Variants in SEMA3A observed in about 807,000 individuals in gnomAD.
SEMA3A encodes semaphorin 3A, also known as semaphorin-3A.
In SEMA3A, 29 loss-of-function variants were observed where a neutral mutation model predicts 97.9. The ratio of observed to expected loss-of-function variants is 0.30; its 90% CI spans 0.22 to 0.40. SEMA3A has a LOEUF of 0.40. Ranked by LOEUF, SEMA3A falls within the 10% of genes least tolerant of loss-of-function variation. SEMA3A has a pLI of 1.00. For missense variants in SEMA3A, 763 were observed against 951.3 expected, an observed-to-expected ratio of 0.80 and a Z score of 2.60; for synonymous variants, 321 against 323.7, an observed-to-expected ratio of 0.99 and a Z score of 0.09.
chr7:84,305,966 ATATG>A (rs937612713), intron 3 of SEMA3A, among the ~76,000 whole-genome samples: 1 of 151,624 alleles, frequency 6.6e-6, no homozygotes, highest in African/African-American at 2.4e-5. Context: ...ATGTGTGTAT[ATATG>A]TATGTATAAA....
chr7:84,166,047 A>G (rs1797195348), intron 1 of SEMA3A, among the ~76,000 whole-genome samples: 1 of 151,240 alleles, frequency 6.6e-6, no homozygotes. Context: ...TCAAGGCAGG[A>G]GTATCACTTG....
Position 84,021,546 on chromosome 7 carries a change from A to G in SEMA3A, c.668-7195T>C, listed in dbSNP as rs182630550. Among the ~76,000 whole-genome samples, 81 of 152,296 alleles carry G rather than the reference A, an allele frequency of 5.3e-4. 1 individual carries two copies. Among genetic ancestry groups the G allele is most frequent in the African/African-American group, 1.9e-3 (80 of 41,570 alleles). ...CCTTACCATCTCCAAACCACGTTGT[A>G]TGGTCTATTGCCTTTTAACACACAA... On this transcript the variant is annotated intron_variant, in intron 6 of 16. Coordinates refer to ENST00000265362, the MANE Select transcript of SEMA3A (RefSeq NM_006080.3).
chr7:84,152,835 G>A (rs1796720173), intron 1 of SEMA3A, among the ~76,000 whole-genome samples: 1 of 151,864 alleles, frequency 6.6e-6, no homozygotes, highest in Non-Finnish European at 1.5e-5. Context: ...ATTATGTAAA[G>A]CAGGCATTTG....
intron 3 of SEMA3A, among the ~76,000 whole-genome samples, chr7:84,297,168 A>T (rs907372565): frequency 2.6e-5 from 4 of 151,956 alleles, no homozygotes; most frequent in African/African-American, 4.8e-5. Context: ...GTAGAGACGG[A>T]GTTTCACTAT....
chr7:84,044,780 TG>T (rs1275279837), intron 6 of SEMA3A, among the ~76,000 whole-genome samples: 1 of 152,002 alleles, frequency 6.6e-6, no homozygotes, highest in East Asian at 1.9e-4. Flanking sequence ...AGAACAGTTT[TG>T]CATGGGATAA....
At chr7:83,966,936 C>T (rs1340153351) in intron 15 of SEMA3A, among the ~76,000 whole-genome samples, 1 of 152,092 alleles carries the variant, frequency 6.6e-6, no homozygotes, top group African/African-American at 2.4e-5. Flanking sequence ...GTCTTGAACT[C>T]CCGACCTCAG....
At chr7:84,104,750 AC>A (rs1264670075) in intron 4 of SEMA3A, among the ~76,000 whole-genome samples, 1 of 151,108 alleles carries the variant, frequency 6.6e-6, no homozygotes, top group Non-Finnish European at 1.5e-5. Context: ...AGAATTTAGA[AC>A]TTTAACAGTC....
chr7:84,245,772 C>T (rs1350127471), intron 3 of SEMA3A, among the ~76,000 whole-genome samples: 3 of 151,958 alleles, frequency 2.0e-5, no homozygotes, highest in Non-Finnish European at 2.9e-5. Flanking sequence ...GGAGTTCTAC[C>T]ATATGAGGTG....
chr7:84,031,620 G>T (rs1029592963), intron 6 of SEMA3A, among the ~76,000 whole-genome samples: 4 of 152,014 alleles, frequency 2.6e-5, no homozygotes. Context: ...GATCACCTGA[G>T]GTTGGGAGTT....
intron 12 of SEMA3A, among the ~76,000 whole-genome samples, chr7:83,992,527 G>T (rs557055805): frequency 6.6e-6 from 1 of 151,894 alleles, no homozygotes; most frequent in Non-Finnish European, 1.5e-5. Flanking sequence ...TGTCTTTGTT[G>T]TTGTTGGTTT....
chr7:84,260,401 C>T (rs1175411803), intron 3 of SEMA3A, among the ~76,000 whole-genome samples: 2 of 152,126 alleles, frequency 1.3e-5, no homozygotes, highest in African/African-American at 2.4e-5. Flanking sequence ...AGAGCCCCAC[C>T]CGCCACCAAG....
chr7:84,161,124 G>T (rs1797019244), intron 1 of SEMA3A, among the ~76,000 whole-genome samples: 1 of 152,006 alleles, frequency 6.6e-6, no homozygotes, highest in South Asian at 2.1e-4. Context: ...CCAGCACTTT[G>T]GGAGGCCGAG....
chr7:84,097,234 C>A (rs1023256278), intron 4 of SEMA3A, among the ~76,000 whole-genome samples: 2 of 152,190 alleles, frequency 1.3e-5, no homozygotes, highest in African/African-American at 4.8e-5. Flanking sequence ...GGCACGTATA[C>A]AAAACCGCAT....
chr7:84,088,325 G>A (rs1310287788), intron 4 of SEMA3A, among the ~76,000 whole-genome samples: 1 of 151,954 alleles, frequency 6.6e-6, no homozygotes. Context: ...ATGGTGGCGG[G>A]TGCCTGTAGT....
intron 1 of SEMA3A, among the ~76,000 whole-genome samples, chr7:84,190,743 A>G (rs1274792586): frequency 6.8e-6 from 1 of 148,144 alleles, no homozygotes; most frequent in East Asian, 1.9e-4. Flanking sequence ...ATATACACAC[A>G]CACATATATA....
intron 1 of SEMA3A, among the ~76,000 whole-genome samples, chr7:84,459,051 C>G (rs910186980): frequency 6.6e-6 from 1 of 152,090 alleles, no homozygotes; most frequent in African/African-American, 2.4e-5. Flanking sequence ...GCACTAATAT[C>G]ATCACCCTCC....
chr7:84,379,013 C>T (rs925679964), intron 1 of SEMA3A, among the ~76,000 whole-genome samples: 7 of 151,912 alleles, frequency 4.6e-5, no homozygotes, highest in Admixed American at 2.0e-4. Context: ...TTGCAAGCTC[C>T]GCCTCCCAGG....
Position 84,289,044 on chromosome 7 carries a change from A to AT in SEMA3A, c.-83+18162_-83+18163insA, listed in dbSNP as rs915955315. Among the ~76,000 whole-genome samples the AT allele has an allele frequency of 7.9e-5, 12 of 152,258 alleles. No individual in the cohort carries two copies. The East Asian group carries it at 2.1e-3, about 27-fold the overall frequency. ...AAGTACTATTCAGCTGTTAAAAAAA[A>AT]ATATAATCTTCTCATTTGCAGCAAC... is the stretch of plus-strand genomic sequence containing the variant. On this transcript the variant is annotated intron_variant, in intron 3 of 3. Transcript: ENST00000424555.
At chr7:84,050,242 G>C (rs1035754429) in intron 5 of SEMA3A, among the ~76,000 whole-genome samples, 2 of 152,136 alleles carry the variant, frequency 1.3e-5, no homozygotes, top group Admixed American at 6.5e-5. Flanking sequence ...TAATGGGATG[G>C]CTGGGTCAAA....
Sources: gnomAD v4.1 joint callset for allele counts (sites outside exome capture counted in the v4.1 genomes callset) on GRCh38, gnomAD v4.1.1 for gene constraint, MANE v1.5 for transcripts, NCBI Gene and HGNC (gene_info 2026-07-23, HGNC 2026-07-21) for gene names.